BEAN1: variants seen among roughly 807,000 people sequenced by gnomAD.
The protein encoded by BEAN1 is brain expressed associated with NEDD4 1, also known as protein BEAN1.
BEAN1 carries 17 observed loss-of-function variants against 17.7 expected under a neutral mutation model. The observed-to-expected ratio is 0.96, with a 90% confidence interval of 0.66 to 1.44. The LOEUF is 1.44. BEAN1 is among the 40% of genes most tolerant of loss of function. The probability of loss-of-function intolerance (pLI) is 0.00; values close to 1 mark genes in which losing one functional copy is unlikely to be tolerated. For missense variants in BEAN1, 359 were observed against 374.1 expected (o/e 0.96, Z 0.33); for synonymous variants, 142 against 151.8 (o/e 0.94, Z 0.47).
intron 2 of BEAN1, among the ~76,000 whole-genome samples, chr16:66,448,044 C>T (rs922421781): frequency 2.0e-5 from 3 of 152,216 alleles, no homozygotes; most frequent in Non-Finnish European, 2.9e-5. Flanking sequence ...TGTCACAACC[C>T]TGTCCCCACC....
chr16:66,438,872 T>C (rs573997118), intron 2 of BEAN1, among the ~76,000 whole-genome samples: 11 of 152,272 alleles, frequency 7.2e-5, no homozygotes, highest in Admixed American at 7.2e-4. Context: ...TCCCTTCTCC[T>C]TGATAAGTCA....
intron 4 of BEAN1, among the ~76,000 whole-genome samples, chr16:66,491,740 C>G (rs1964178508): frequency 1.3e-5 from 2 of 152,166 alleles, no homozygotes; most frequent in South Asian, 4.1e-4. Flanking sequence ...CAACCTAGAT[C>G]CCTCTCATGC....
At chr16:66,493,999 C>G (rs565758109), downstream of BEAN1, among the ~76,000 whole-genome samples, 1 of 152,176 alleles carries the variant, frequency 6.6e-6, no homozygotes, top group Non-Finnish European at 1.5e-5. Flanking sequence ...GAGGTCTACC[C>G]AGGCTCCCCT....
intron 3 of BEAN1, among the ~76,000 whole-genome samples, chr16:66,470,718 C>A (rs1963452074): frequency 6.6e-6 from 1 of 152,212 alleles, no homozygotes; most frequent in Non-Finnish European, 1.5e-5. Context: ...CAAATCTGTG[C>A]ATGTGGCTAG....
intron 4 of BEAN1, among the ~76,000 whole-genome samples, chr16:66,489,812 G>C (rs1162866673): frequency 6.6e-6 from 1 of 152,174 alleles, no homozygotes; most frequent in Non-Finnish European, 1.5e-5. Flanking sequence ...TTGTGCTGCT[G>C]AACTATCACG....
chr16:66,476,035 C>T (rs933698824), intron 3 of BEAN1, among the ~76,000 whole-genome samples: 3 of 150,642 alleles, frequency 2.0e-5, no homozygotes, highest in East Asian at 2.0e-4. Flanking sequence ...GCGTGGACCC[C>T]GGAGGCGGAG....
rs780307718 is a variant in BEAN1 at position 66,480,719 on chromosome 16, C to A, written c.574C>A (p.Arg192=). The change falls in exon 5 of 5, where the codon CGA becomes AGA. Residue 192 remains arginine (R), a synonymous_variant. Transcript: ENST00000536005. Reference sequence around the variant, plus strand: ...CTCAGGCAGCGGCCACAGCCCTGGCCGACACCAGCAGGAGCAGAGGACCCC... The same window carrying A: ...CTCAGGCAGCGGCCACAGCCCTGGCAGACACCAGCAGGAGCAGAGGACCCC... ...SDSGSGHSPG[R]HQQEQRTPAQ... 1 of 1,551,546 alleles carries A rather than the reference C, an allele frequency of 6.4e-7. No homozygotes were observed. The highest frequency in any genetic ancestry group is 8.7e-7 in the Non-Finnish European group (1 of 1,146,974).
chr16:66,468,010 A>G (rs1963319338), intron 2 of BEAN1, among the ~76,000 whole-genome samples: 1 of 152,232 alleles, frequency 6.6e-6, no homozygotes, highest in South Asian at 2.1e-4. Context: ...GGAAGGAGAA[A>G]CGATCACAGC....
chr16:66,457,349 G>A (rs1241245252), intron 2 of BEAN1, among the ~76,000 whole-genome samples: 2 of 152,226 alleles, frequency 1.3e-5, no homozygotes, highest in East Asian at 3.9e-4. Flanking sequence ...AATTGATGGA[G>A]GATTGTTGAA....
chr16:66,446,049 G>C (rs979528746), intron 2 of BEAN1, among the ~76,000 whole-genome samples: 1 of 152,084 alleles, frequency 6.6e-6, no homozygotes, highest in African/African-American at 2.4e-5. Flanking sequence ...CAGGTGTGGT[G>C]GGGCACGCCT....
In BEAN1 at chr16:66,492,387, G is replaced by A. The variant is rs187651430; in HGVS notation, c.148-575G>A. On this transcript the variant is annotated intron_variant, in intron 4 of 4. Coordinates refer to the BEAN1 transcript ENST00000561796. Reference sequence around the variant, plus strand: ...TTCCTGCTCCAGGCCCTGACTGCTAGGCTGGGAGCTGGGATACCTAGAGCC... The same window carrying A: ...TTCCTGCTCCAGGCCCTGACTGCTAAGCTGGGAGCTGGGATACCTAGAGCC... 1.4e-3 allele frequency among the ~76,000 whole-genome samples: 218 copies of A among 152,024 alleles called. 2 individuals are homozygous for A. The highest frequency in any genetic ancestry group is 4.6e-3 in the South Asian group (22 of 4,808).
At chr16:66,490,396 C>A (rs868191081) in intron 4 of BEAN1, among the ~76,000 whole-genome samples, 8 of 67,580 alleles carry the variant, frequency 1.2e-4, no homozygotes, top group South Asian at 1.1e-3. Context: ...GACTCTGTTT[C>A]AATAAAATAA....
chr16:66,474,579 A>AGG (rs1567504990), intron 3 of BEAN1, among the ~76,000 whole-genome samples: 2 of 41,530 alleles, frequency 4.8e-5, no homozygotes, highest in Non-Finnish European at 7.8e-5. Context: ...AGAGGGAGGG[A>AGG]GAGAGGGAGG....
chr16:66,479,539 C>A (rs911458254), intron 4 of BEAN1, among the ~76,000 whole-genome samples: 1 of 151,934 alleles, frequency 6.6e-6, no homozygotes, highest in African/African-American at 2.4e-5. Context: ...GGTGATTCCC[C>A]CTCCAAACAC....
downstream of BEAN1, chr16:66,484,662 G>A: frequency 2.2e-6 from 1 of 454,112 alleles, no homozygotes; most frequent in Admixed American, 2.3e-5. This position sits in a 1 kb window ranked among gnomAD's most constrained non-coding sequence, Gnocchi z 4.2. Context: ...AGTGTTCCCA[G>A]GAGTACCAGA....
intron 4 of BEAN1, among the ~76,000 whole-genome samples, chr16:66,489,133 T>C (rs932020995): frequency 6.6e-6 from 1 of 151,874 alleles, no homozygotes; most frequent in Non-Finnish European, 1.5e-5. Context: ...GACTGCACTG[T>C]TGTACTTCAG....
At chr16:66,493,746 G>A (rs975620430), downstream of BEAN1, among the ~76,000 whole-genome samples, 1 of 152,184 alleles carries the variant, frequency 6.6e-6, no homozygotes, top group Non-Finnish European at 1.5e-5. Flanking sequence ...CCCTTAGACC[G>A]GAAGCCAGAA....
intron 4 of BEAN1, among the ~76,000 whole-genome samples, chr16:66,478,443 A>G (rs13339657): frequency 0.066 from 9,971 of 151,938 alleles, 1,077 homozygotes; most frequent in African/African-American, 0.23. Flanking sequence ...TCTACTAAAA[A>G]TACAAAAAAT....
exon 5 of BEAN1, chr16:66,493,191 C>G: frequency 1.4e-6 from 1 of 703,026 alleles, no homozygotes; most frequent in Non-Finnish European, 2.6e-6. Flanking sequence ...GAGCCGGGCA[C>G]AGAGAAACTC....
Sources: gnomAD v4.1 joint callset for allele counts (sites outside exome capture counted in the v4.1 genomes callset) on GRCh38, gnomAD v4.1.1 for gene constraint, Gnocchi (gnomAD v3.1) non-coding constraint, MANE v1.5 for transcripts, NCBI Gene and HGNC (gene_info 2026-07-23, HGNC 2026-07-21) for gene names.